The following MRE11 variants were observed in gnomAD, a reference collection of about 807,000 sequenced individuals.
MRE11 encodes the protein double-strand break repair protein MRE11.
MRE11 carries 62 observed loss-of-function variants against 91.7 expected under a neutral mutation model. That is an observed-to-expected ratio of 0.68 (90% CI 0.55 to 0.84). The LOEUF (loss-of-function observed/expected upper bound fraction) is 0.84, where lower values mean the gene tolerates loss of function less well. Among genes scored for constraint, MRE11 ranks in the 40% least tolerant of loss-of-function variants. The probability of loss-of-function intolerance (pLI) is 0.00; values close to 1 mark genes in which losing one functional copy is unlikely to be tolerated. For missense variants in MRE11, 796 were observed against 852.9 expected, an observed-to-expected ratio of 0.93 and a Z score of 0.83; for synonymous variants, 273 against 271.4, an observed-to-expected ratio of 1.01 and a Z score of -0.06.
chr11:94,422,873 C>T (rs1205985242), intron 19 of MRE11, among the ~76,000 whole-genome samples: 1 of 152,066 alleles, frequency 6.6e-6, no homozygotes, highest in African/African-American at 2.4e-5. Context: ...GCCACCATGT[C>T]CGGCTAATTT....
At chr11:94,428,376 C>T (rs1261239977) in intron 19 of MRE11, among the ~76,000 whole-genome samples, 2 of 152,146 alleles carry the variant, frequency 1.3e-5, no homozygotes, top group Admixed American at 6.5e-5. Context: ...TCACCATATA[C>T]AAAAATTAAC....
chr11:94,436,138 C>T (rs1017833704), intron 17 of MRE11, among the ~76,000 whole-genome samples: 8 of 152,182 alleles, frequency 5.3e-5, no homozygotes, highest in Non-Finnish European at 1.2e-4. Context: ...GCCTGAGCAC[C>T]TAAGGGAACA....
Position 94,420,182 on chromosome 11 carries a change from C to T in MRE11, c.2071-1G>A. 6.3e-7 allele frequency: 1 copy of T among 1,585,070 alleles called. No homozygotes were observed. Among genetic ancestry groups the T allele is most frequent in the Non-Finnish European group, 8.6e-7 (1 of 1,162,030 alleles). On this transcript the variant is annotated splice_acceptor_variant, in intron 19 of 19. Transcript: ENST00000323929. LOFTEE classifies it high-confidence loss of function. ...TCATAAAAGGATCATCATCATCATC[C>T]TGAAATGAGATACAAATGTTGTATT...
chr11:94,488,545 A>G (rs1947200932), intron 3 of MRE11, among the ~76,000 whole-genome samples: 1 of 152,240 alleles, frequency 6.6e-6, no homozygotes, highest in Non-Finnish European at 1.5e-5. Context: ...AAGACATGGA[A>G]TCAACCTAAA....
chr11:94,509,750 T>C, the MRE11 span, among the ~76,000 whole-genome samples: 1 of 152,228 alleles, frequency 6.6e-6, no homozygotes, highest in Non-Finnish European at 1.5e-5. Context: ...GAATTTTCTA[T>C]GTATACAGCC....
upstream of MRE11, chr11:94,496,644 AT>A (rs763399574): frequency 6.8e-7 from 1 of 1,472,190 alleles, no homozygotes; most frequent in South Asian, 1.4e-5. Flanking sequence ...CTCTAGAAAG[AT>A]TTATATCCTG....
intron 19 of MRE11, among the ~76,000 whole-genome samples, chr11:94,422,174 A>C (rs1227303348): frequency 6.6e-6 from 1 of 152,228 alleles, no homozygotes; most frequent in East Asian, 1.9e-4. Flanking sequence ...GGAAAGGGGA[A>C]GGGCAGTATC....
At chr11:94,423,475 C>T (rs559094425) in intron 19 of MRE11, among the ~76,000 whole-genome samples, 14 of 152,324 alleles carry the variant, frequency 9.2e-5, no homozygotes, top group Admixed American at 3.3e-4. Flanking sequence ...CATAGGCGCC[C>T]ATCCCCTAAG....
At chr11:94,426,992 C>G (rs1945339782) in intron 19 of MRE11, among the ~76,000 whole-genome samples, 1 of 152,088 alleles carries the variant, frequency 6.6e-6, no homozygotes, top group South Asian at 2.1e-4. Flanking sequence ...GGTACCAATC[C>G]TACAGAAATT....
upstream of MRE11, chr11:94,497,010 A>G (rs778410126): frequency 1.4e-5 from 22 of 1,603,130 alleles, no homozygotes; most frequent in Non-Finnish European, 1.8e-5. Context: ...GGTTCAAGCC[A>G]GAAGACCTGC....
intron 5 of MRE11, 101 bp from the exon 6 acceptor site, chr11:94,478,977 C>A (rs1041047947): frequency 1.5e-6 from 2 of 1,304,438 alleles, no homozygotes; most frequent in African/African-American, 2.9e-5. Context: ...ATTCTACTTA[C>A]AAAAACATAG....
Position 94,437,177 on chromosome 11 carries a change from C to A in MRE11, c.1926G>T (p.Glu642Asp). The A allele has an allele frequency of 6.2e-7, 1 of 1,610,410 alleles. No individual in the cohort carries two copies. Among genetic ancestry groups the A allele is most frequent in the South Asian group, 1.1e-5 (1 of 90,272 alleles). Residue 642 changes from glutamate (E) to aspartate (D), a missense_variant and splice_region_variant, in exon 17 of 20, where the codon GAG (glutamate) becomes GAT (aspartate). Transcript: ENST00000323929. ...ACAACCATAAAACTTTTTTTCTTAC[C>A]TCTGAATAATTCTTAGTAGTGACAT... ...SRNVTTKNYS[E>D]VIEVDESDVE...
At chr11:94,486,829 T>A (rs1947153796) in intron 3 of MRE11, among the ~76,000 whole-genome samples, 1 of 152,084 alleles carries the variant, frequency 6.6e-6, no homozygotes. Flanking sequence ...AGGAAGAGAA[T>A]TCTAGGAATA....
At chr11:94,437,052 C>T (rs951136444) in intron 17 of MRE11, 125 bp downstream of exon 17, 4 of 800,640 alleles carry the variant, frequency 5.0e-6, no homozygotes, top group African/African-American at 1.8e-5. Context: ...ATTGGTAAAG[C>T]TCCTTCCAGC....
At chr11:94,463,760 A>G (rs969072448) in intron 11 of MRE11, among the ~76,000 whole-genome samples, 56 of 140,584 alleles carry the variant, frequency 4.0e-4, no homozygotes, top group African/African-American at 1.3e-3. Context: ...GGCAGGGAAC[A>G]TCACACACCG....
the MRE11 span, among the ~76,000 whole-genome samples, chr11:94,500,738 C>G: frequency 1.3e-5 from 2 of 152,102 alleles, no homozygotes; most frequent in African/African-American, 4.8e-5. Context: ...TTCCAGGGAG[C>G]CTTCCAACCC....
At chr11:94,501,454 ATTAATT>A in the MRE11 span, among the ~76,000 whole-genome samples, 2 of 152,186 alleles carry the variant, frequency 1.3e-5, no homozygotes, top group African/African-American at 4.8e-5. Flanking sequence ...AACAGGTGAA[ATTAATT>A]TTATATATAT....
Position 94,447,259 on chromosome 11 carries a change from C to T in MRE11, c.1743G>A (p.Gly581=). The change falls in exon 15 of 20, where the codon GGG becomes GGA. Residue 581 remains glycine (G), a synonymous_variant. Coordinates refer to ENST00000323929, the MANE Select transcript of MRE11 (RefSeq NM_005591.4). ...GRGRGRRGGR[G]QNSASRGGSQ... is the part of the protein sequence containing the mutation. ...ACCCTCCTCTCGATGCTGAATTCTG[C>T]CCTCTTCCACCTCTTCGACCTCTTC... is the stretch of plus-strand genomic sequence containing the variant. 1 of 1,613,920 alleles carries T rather than the reference C, an allele frequency of 6.2e-7. No homozygotes were observed.
At chr11:94,421,537 C>T (rs1400115997) in intron 19 of MRE11, among the ~76,000 whole-genome samples, 2 of 152,134 alleles carry the variant, frequency 1.3e-5, no homozygotes, top group African/African-American at 2.4e-5. Context: ...AACATATAAC[C>T]GCATATATAT....
Sources: allele counts gnomAD v4.1 joint callset (sites outside exome capture counted in the v4.1 genomes callset), GRCh38; gene constraint gnomAD v4.1.1; transcripts MANE v1.5; gene names NCBI Gene and HGNC (gene_info 2026-07-23, HGNC 2026-07-21).